The following ARHGAP10 variants were observed in gnomAD, a reference collection of about 807,000 sequenced individuals.
The protein encoded by ARHGAP10 is rho GTPase-activating protein 10.
ARHGAP10 carries 87 observed loss-of-function variants against 108.6 expected under a neutral mutation model. The ratio of observed to expected loss-of-function variants is 0.80; its 90% CI spans 0.67 to 0.96. The LOEUF is 0.96. ARHGAP10 is among the 40% of genes least tolerant of loss of function. The pLI, the probability that ARHGAP10 is intolerant of heterozygous loss-of-function variation, is 0.00. For missense variants in ARHGAP10, 939 were observed against 954.5 expected (o/e 0.98, Z 0.21); for synonymous variants, 347 against 341.1 (o/e 1.02, Z -0.19).
intron 7 of ARHGAP10, among the ~76,000 whole-genome samples, chr4:147,870,351 G>A (rs970490218): frequency 2.0e-5 from 3 of 152,048 alleles, no homozygotes; most frequent in African/African-American, 4.8e-5. Context: ...GTGAGCCACC[G>A]CGCCCGGCCG....
chr4:148,059,471 A>G (rs1729505558), intron 20 of ARHGAP10, among the ~76,000 whole-genome samples: 1 of 151,100 alleles, frequency 6.6e-6, no homozygotes, highest in Non-Finnish European at 1.5e-5. Flanking sequence ...GGCAATAAAT[A>G]GATTTTTTAA....
intron 18 of ARHGAP10, among the ~76,000 whole-genome samples, chr4:147,986,500 G>A (rs959316814): frequency 1.3e-5 from 2 of 152,120 alleles, no homozygotes; most frequent in South Asian, 2.1e-4. Flanking sequence ...TACAGCTAGA[G>A]GGTAATGACA....
At chr4:147,751,458 G>A (rs185667035) in intron 1 of ARHGAP10, among the ~76,000 whole-genome samples, 181 of 151,728 alleles carry the variant, frequency 1.2e-3, no homozygotes, top group African/African-American at 4.1e-3. Flanking sequence ...CCGCCTCCTG[G>A]GTTCAAGCAA....
At chr4:147,865,202 G>A (rs1734505560) in intron 6 of ARHGAP10, 2 of 339,462 alleles carry the variant, frequency 5.9e-6, no homozygotes, top group African/African-American at 2.2e-5. Context: ...CTCAAGGAAG[G>A]CAACCATGTG....
intron 19 of ARHGAP10, among the ~76,000 whole-genome samples, chr4:148,037,422 A>C (rs1027977627): frequency 1.2e-4 from 19 of 152,222 alleles, no homozygotes; most frequent in African/African-American, 4.1e-4. Context: ...TTCTGATCCA[A>C]TATGACAGTC....
At chr4:147,791,091 G>A (rs1012314184) in intron 1 of ARHGAP10, among the ~76,000 whole-genome samples, 4 of 150,954 alleles carry the variant, frequency 2.6e-5, no homozygotes, top group Non-Finnish European at 5.9e-5. Context: ...GAAAATAACA[G>A]CAAACTGTAC....
At chr4:147,968,932 C>T (rs1391891707) in intron 18 of ARHGAP10, among the ~76,000 whole-genome samples, 3 of 152,226 alleles carry the variant, frequency 2.0e-5, no homozygotes, top group Non-Finnish European at 2.9e-5. Context: ...ATCCTATAAA[C>T]GTACCCCAGT....
intron 13 of ARHGAP10, among the ~76,000 whole-genome samples, chr4:147,914,943 G>C (rs899805664): frequency 6.6e-6 from 1 of 152,022 alleles, no homozygotes; most frequent in African/African-American, 2.4e-5. Flanking sequence ...TGCAAAACAG[G>C]CTATTTCTGG....
At position 147,737,181 on chromosome 4, in the gene ARHGAP10, C is replaced by T. The variant is rs181353410; in HGVS notation, c.154+4726C>T. Among the ~76,000 whole-genome samples, 67 of 152,216 alleles carry T rather than the reference C, an allele frequency of 4.4e-4. No individual in the cohort carries two copies. In the East Asian group the frequency reaches 0.011, roughly 25 times the overall value. On this transcript the variant is annotated intron_variant, in intron 1 of 22. Transcript: ENST00000336498. ...AAAATTTTATTTGAGATGTGAGTCT[C>T]GCCCTGTTGCCTAGGCTAGAATGCA...
chr4:148,069,750 G>C (rs1368667842), intron 22 of ARHGAP10, among the ~76,000 whole-genome samples: 1 of 152,314 alleles, frequency 6.6e-6, no homozygotes, highest in Middle Eastern at 3.4e-3. Flanking sequence ...TAATTTCCCA[G>C]ATGCATCTAG....
At chr4:147,926,900 C>A (rs188642582) in intron 13 of ARHGAP10, among the ~76,000 whole-genome samples, 1 of 151,918 alleles carries the variant, frequency 6.6e-6, no homozygotes, top group Non-Finnish European at 1.5e-5. Flanking sequence ...TAGATAATAG[C>A]GAGGTTGTAC....
chr4:147,926,899 G>A (rs183892446), intron 13 of ARHGAP10, among the ~76,000 whole-genome samples: 454 of 152,224 alleles, frequency 3.0e-3, no homozygotes, highest in Non-Finnish European at 5.0e-3. Context: ...CTAGATAATA[G>A]CGAGGTTGTA....
chr4:147,864,967 C>T lies in ARHGAP10; in HGVS notation c.597+11C>T, dbSNP rs779050955. On this transcript the variant is annotated intron_variant, in intron 6 of 22. Transcript: ENST00000336498. ...GAGTTTGTGGAACCTGTGAGTATTG[C>T]CAAGTTGTTTGCTGGTGGATTTTTG... The T allele has an allele frequency of 5.6e-6, 9 of 1,604,058 alleles. No homozygotes were observed. In the East Asian group the frequency reaches 2.0e-4, roughly 36 times the overall value.
At chr4:147,946,497 T>C in intron 14 of ARHGAP10, 120 bp from the exon 15 acceptor site, 1 of 687,180 alleles carries the variant, frequency 1.5e-6, no homozygotes, top group Middle Eastern at 2.7e-4. Flanking sequence ...TATAATGTTT[T>C]CCTAGGAAAC....
chr4:147,815,156 T>A (rs1213677643), intron 1 of ARHGAP10, among the ~76,000 whole-genome samples: 1 of 152,202 alleles, frequency 6.6e-6, no homozygotes, highest in Non-Finnish European at 1.5e-5. Context: ...TCCTAACTTG[T>A]CACCCTGCTG....
At chr4:147,785,987 C>T (rs932125187) in intron 1 of ARHGAP10, among the ~76,000 whole-genome samples, 11 of 152,064 alleles carry the variant, frequency 7.2e-5, no homozygotes, top group African/African-American at 2.7e-4. Flanking sequence ...AAACTTCTTT[C>T]TGATTTCGGG....
At chr4:147,832,098 A>G (rs552237995) in intron 3 of ARHGAP10, among the ~76,000 whole-genome samples, 2 of 152,040 alleles carry the variant, frequency 1.3e-5, no homozygotes, top group East Asian at 3.9e-4. Flanking sequence ...ACATACACAC[A>G]CCCACCCACA....
At chr4:147,891,536 G>T (rs898818325) in intron 10 of ARHGAP10, among the ~76,000 whole-genome samples, 4 of 152,062 alleles carry the variant, frequency 2.6e-5, no homozygotes, top group Admixed American at 1.3e-4. Context: ...ATTGATTTTG[G>T]TGATGGTTAT....
chr4:147,994,748 C>T (rs773445432), intron 18 of ARHGAP10, among the ~76,000 whole-genome samples: 6 of 152,096 alleles, frequency 3.9e-5, no homozygotes, highest in Admixed American at 3.3e-4. Flanking sequence ...CCCAGCAATA[C>T]GTAAAAGTTG....
Sources: allele counts gnomAD v4.1 joint callset (sites outside exome capture counted in the v4.1 genomes callset), GRCh38; gene constraint gnomAD v4.1.1; transcripts MANE v1.5; gene names NCBI Gene and HGNC (gene_info 2026-07-23, HGNC 2026-07-21).